RAB8A: variants seen among roughly 807,000 people sequenced by gnomAD.
RAB8A encodes the protein ras-related protein Rab-8A.
A neutral mutation model predicts 29.2 loss-of-function variants in RAB8A; 5 were observed. The ratio of observed to expected loss-of-function variants is 0.17; its 90% confidence interval spans 0.09 to 0.36. The LOEUF is 0.36. RAB8A is among the 10% of genes least tolerant of loss of function. The pLI, the probability that RAB8A is intolerant of heterozygous loss-of-function variation, is 1.00. For missense variants in RAB8A, 171 were observed against 272.2 expected (o/e 0.63, Z 2.62); for synonymous variants, 108 against 99.9 (o/e 1.08, Z -0.49).
intron 1 of RAB8A, among the ~76,000 whole-genome samples, chr19:16,113,566 T>G (rs2090833495): frequency 6.6e-6 from 1 of 152,130 alleles, no homozygotes; most frequent in Non-Finnish European, 1.5e-5. Context: ...CACGTCCAGC[T>G]AATTTTTGTA....
chr19:16,129,414 C>T (rs929775888), intron 6 of RAB8A, 140 bp from the exon 7 acceptor site: 10 of 770,056 alleles, frequency 1.3e-5, no homozygotes, highest in Non-Finnish European at 2.3e-5. Flanking sequence ...GCCAGATGAA[C>T]CCACTGCCAG....
In RAB8A at chr19:16,132,238, C is replaced by T. The variant is rs2090928328; in HGVS notation, c.558C>T (p.Asn186=). 7 of 1,614,074 alleles carry T rather than the reference C, an allele frequency of 4.3e-6. No individual in the cohort carries two copies. The highest frequency in any genetic ancestry group is 5.9e-6 in the Non-Finnish European group (7 of 1,180,014). Residue 186 remains asparagine, a synonymous_variant, in exon 8 of 8, where the codon AAC becomes AAT. Transcript: ENST00000300935. This position sits in a 1 kb window ranked among gnomAD's most constrained non-coding sequence, Gnocchi z 5.6. Reference sequence around the variant, plus strand: ...AAGGCAACAGCCCCCAGGGGAGCAACCAGGGAGTCAAAATCACACCGGACC... The same window carrying T: ...AAGGCAACAGCCCCCAGGGGAGCAATCAGGGAGTCAAAATCACACCGGACC... ...KLEGNSPQGS[N]QGVKITPDQQ...
At chr19:16,124,028 T>TA (rs2090886356) in intron 3 of RAB8A, 1 of 152,054 alleles carries the variant, frequency 6.6e-6, no homozygotes, top group East Asian at 1.9e-4. Context: ...ATCCAGGAAT[T>TA]TGAGTCTTAG....
rs940483312 is a variant in RAB8A, at chr19:16,132,420, C to G, written c.*116C>G. On this transcript the variant is annotated 3_prime_UTR_variant, in exon 8 of 8. Coordinates refer to ENST00000300935, the MANE Select transcript of RAB8A (RefSeq NM_005370.5). This position sits in a 1 kb window ranked among gnomAD's most constrained non-coding sequence, Gnocchi z 5.6. ...CAACGCCCCGCCCACGCCGCGGCCA[C>G]CGGGCCCACGGCCACCAGAATGCAA... 15 of 918,668 alleles carry G rather than the reference C, an allele frequency of 1.6e-5. No individual in the cohort carries two copies. Among genetic ancestry groups the G allele is most frequent in the Middle Eastern group, 3.2e-4 (1 of 3,156 alleles). The allele number at this position is 918,668 out of a possible 1,614,324, so 56.9% of individuals were successfully genotyped here. A position where few individuals can be genotyped will look rare whatever the true frequency, so the allele number is the denominator to read the frequency against.
At position 16,115,288 on chromosome 19, in the gene RAB8A, C is replaced by CAA. The variant is rs112395504; in HGVS notation, c.125-2928_125-2927dup. Among the ~76,000 whole-genome samples, 817 of 143,230 alleles carry CAA rather than the reference C, an allele frequency of 5.7e-3. 5 individuals carry two copies. Among genetic ancestry groups the CAA allele is most frequent in the African/African-American group, 0.02 (789 of 38,916 alleles). 94.0% of individuals were successfully genotyped at this position (143,230 alleles called of 152,430 possible). A position where few individuals can be genotyped will look rare whatever the true frequency, so the allele number is the denominator to read the frequency against. Reference sequence around the variant, plus strand: ...GGGCAACAGAGCAAAACTCTGTCTCCAAAAAAAAAAAGAAGCAATTCTATA... The same window carrying CAA: ...GGGCAACAGAGCAAAACTCTGTCTCCAAAAAAAAAAAAAGAAGCAATTCTATA... On this transcript the variant is annotated intron_variant, in intron 1 of 7. Coordinates refer to ENST00000300935, the MANE Select transcript of RAB8A (RefSeq NM_005370.5).
At position 16,127,838 on chromosome 19, in the gene RAB8A, G is replaced by A. The variant is rs1279216140; in HGVS notation, c.415-188G>A. On this transcript the variant is annotated intron_variant, in intron 5 of 7. Transcript: ENST00000300935. The surrounding 1 kb of genome is among the most constrained non-coding windows in gnomAD (Gnocchi z 4.8). ...CAGCTGCCATCCCCAGCAACTCCAT[G>A]CCCTGTGAGGCCCTGTGGAGGGGCA... 1.1e-5 allele frequency: 7 copies of A among 659,256 alleles called. No individual in the cohort carries two copies. Among genetic ancestry groups the A allele is most frequent in the Non-Finnish European group, 1.9e-5 (7 of 368,328 alleles). The allele number at this position is 659,256 out of a possible 1,614,324, so 40.8% of individuals were successfully genotyped here.
chr19:16,128,131 G>T (rs773464036), intron 6 of RAB8A, 40 bp downstream of exon 6: 3 of 1,600,328 alleles, frequency 1.9e-6, no homozygotes, highest in Non-Finnish European at 2.6e-6. Context: ...GGGCCTGCAG[G>T]ATCGGCCCCT....
Position 16,128,067 on chromosome 19 carries a change from G to A in RAB8A, c.456G>A (p.Ala152=), listed in dbSNP as rs148398597. 14 of 1,614,038 alleles carry A rather than the reference G, an allele frequency of 8.7e-6. No homozygotes were observed. Among genetic ancestry groups the A allele is most frequent in the African/African-American group, 6.7e-5 (5 of 74,924 alleles). ...DYGIKFMETS[A]KANINVENAF... ...GAATCAAGTTCATGGAGACCAGCGC[G>A]AAGGCCAACATCAATGTGGAAAATG... Residue 152 remains alanine, a synonymous_variant, in exon 6 of 8, where the codon GCG becomes GCA. Transcript: ENST00000300935.
chr19:16,115,345 A>G (rs1331561217), intron 1 of RAB8A, among the ~76,000 whole-genome samples: 2 of 152,182 alleles, frequency 1.3e-5, no homozygotes, highest in Non-Finnish European at 2.9e-5. Context: ...TTTTCTTTAT[A>G]GACAAGGATT....
rs556502214 is a variant in RAB8A at position 16,132,395 on chromosome 19, C to T, written c.*91C>T. On this transcript the variant is annotated 3_prime_UTR_variant, in exon 8 of 8. Transcript: ENST00000300935. This position sits in a 1 kb window ranked among gnomAD's most constrained non-coding sequence, Gnocchi z 5.6. ...CACTCAGCCGGGGCCCTCCCACCTC[C>T]AACGCCCCGCCCACGCCGCGGCCAC... 143 of 1,304,974 alleles carry T rather than the reference C, an allele frequency of 1.1e-4. No homozygotes were observed. Among genetic ancestry groups the T allele is most frequent in the Non-Finnish European group, 1.5e-4 (142 of 932,276 alleles). The allele number at this position is 1,304,974 out of a possible 1,614,324, so 80.8% of individuals were successfully genotyped here.
In RAB8A at chr19:16,125,888, C is replaced by T. The variant is rs187650272; in HGVS notation, c.324+341C>T. 83 of 420,810 alleles carry T rather than the reference C, an allele frequency of 2.0e-4. No homozygotes were observed. The East Asian group carries it at 2.6e-3, about 13-fold the overall frequency. The allele number at this position is 420,810 out of a possible 1,614,324, so 26.1% of individuals were successfully genotyped here. On this transcript the variant is annotated intron_variant, in intron 4 of 7. Coordinates refer to ENST00000300935, the MANE Select transcript of RAB8A (RefSeq NM_005370.5). This position sits in a 1 kb window ranked among gnomAD's most constrained non-coding sequence, Gnocchi z 5.0. ...AAGGAAGGGTCTAGCACAGGTGTGA[C>T]CCTTGTAGTTGGAGGGTGTGGTGAG... is the stretch of plus-strand genomic sequence containing the variant.
chr19:16,127,599 C>G lies in RAB8A; in HGVS notation c.414+73C>G, dbSNP rs2090907733. The G allele has an allele frequency of 2.5e-6, 3 of 1,208,646 alleles. No individual in the cohort carries two copies. Among genetic ancestry groups the G allele is most frequent in the East Asian group, 5.1e-5 (2 of 39,418 alleles). The allele number at this position is 1,208,646 out of a possible 1,614,324, so 74.9% of individuals were successfully genotyped here. ...CTTGTGCAGAGGCCTTCCCCTGTCC[C>G]TCCTCTGCCCCAGGGGCCTGAGACG... On this transcript the variant is annotated intron_variant, in intron 5 of 7. Coordinates refer to ENST00000300935, the MANE Select transcript of RAB8A (RefSeq NM_005370.5). The surrounding 1 kb of genome is among the most constrained non-coding windows in gnomAD (Gnocchi z 4.8).
In RAB8A at chr19:16,132,077, T is replaced by TTTGGTTGTTTGG. The variant is rs1555714850; in HGVS notation, c.532-128_532-127insTTTGGTTGGTTG. On this transcript the variant is annotated intron_variant, in intron 7 of 7. Coordinates refer to ENST00000300935, the MANE Select transcript of RAB8A (RefSeq NM_005370.5). This position sits in a 1 kb window ranked among gnomAD's most constrained non-coding sequence, Gnocchi z 5.6. ...TTGGCTGGTTTGATTGGTTTGGTTG[T>TTTGGTTGTTTGG]TTGGTTGGTTGGTTGGTTGGTTGGT... is the stretch of plus-strand genomic sequence containing the variant. 25 of 674,188 alleles carry TTTGGTTGTTTGG rather than the reference T, an allele frequency of 3.7e-5. No individual in the cohort carries two copies. Among genetic ancestry groups the TTTGGTTGTTTGG allele is most frequent in the Admixed American group, 7.2e-5 (3 of 41,832 alleles). 41.8% of individuals were successfully genotyped at this position (674,188 alleles called of 1,614,324 possible). A position where few individuals can be genotyped will look rare whatever the true frequency, so the allele number is the denominator to read the frequency against.
At chr19:16,130,048 C>T (rs562401850) in intron 7 of RAB8A, among the ~76,000 whole-genome samples, 1 of 152,292 alleles carries the variant, frequency 6.6e-6, no homozygotes, top group East Asian at 1.9e-4. Flanking sequence ...CCAGATGCTA[C>T]AAGTTGTGAC....
chr19:16,116,664 G>A (rs2090846977), intron 1 of RAB8A, among the ~76,000 whole-genome samples: 1 of 152,068 alleles, frequency 6.6e-6, no homozygotes, highest in Non-Finnish European at 1.5e-5. Flanking sequence ...GTGAAACCCT[G>A]TCTCTACTAA....
At chr19:16,126,439 T>C (rs1401106903) in intron 4 of RAB8A, 3 of 152,482 alleles carry the variant, frequency 2.0e-5, no homozygotes, top group Non-Finnish European at 4.4e-5. Context: ...TTCTGGTTCA[T>C]GGGAAGTGAG....
intron 1 of RAB8A, among the ~76,000 whole-genome samples, chr19:16,116,820 G>A (rs1202357575): frequency 6.7e-6 from 1 of 149,686 alleles, no homozygotes; most frequent in African/African-American, 2.5e-5. Context: ...AGCCAAGATC[G>A]CACCACTGCA....
intron 1 of RAB8A, chr19:16,112,674 C>T (rs1404168412): frequency 1.3e-5 from 2 of 153,198 alleles, no homozygotes; most frequent in East Asian, 3.8e-4. Flanking sequence ...CTGCACACTC[C>T]CAGCTGATGA....
At chr19:16,131,317 A>G (rs1379260561) in intron 7 of RAB8A, among the ~76,000 whole-genome samples, 1 of 152,214 alleles carries the variant, frequency 6.6e-6, no homozygotes, top group Admixed American at 6.5e-5. Flanking sequence ...TGAAAAACGA[A>G]TTATCAGTTG....
Sources: gnomAD v4.1 joint callset for allele counts (sites outside exome capture counted in the v4.1 genomes callset) on GRCh38, gnomAD v4.1.1 for gene constraint, Gnocchi (gnomAD v3.1) non-coding constraint, MANE v1.5 for transcripts, NCBI Gene and HGNC (gene_info 2026-07-23, HGNC 2026-07-21) for gene names.